Variants in THSD7B observed in about 807,000 individuals in gnomAD.
THSD7B encodes thrombospondin type 1 domain containing 7B, also known as thrombospondin type-1 domain-containing protein 7B.
THSD7B carries 138 observed loss-of-function variants against 213.6 expected under a neutral mutation model. The observed-to-expected ratio is 0.65, with a 90% CI of 0.56 to 0.74. The LOEUF is 0.74. Among genes scored for constraint, THSD7B ranks in the 30% least tolerant of loss-of-function variants. The probability of loss-of-function intolerance (pLI) is 0.00; values close to 1 mark genes in which losing one functional copy is unlikely to be tolerated. For synonymous variants in THSD7B, 742 were observed against 687.0 expected (o/e 1.08, Z -1.25); for missense variants, 1,931 against 1,991.5 (o/e 0.97, Z 0.58).
At chr2:137,275,320 C>T (rs192771331) in intron 11 of THSD7B, among the ~76,000 whole-genome samples, 22 of 152,086 alleles carry the variant, frequency 1.4e-4, no homozygotes, top group Non-Finnish European at 3.1e-4. Context: ...ACTCTATAAC[C>T]TATTGAGATG....
intron 15 of THSD7B, among the ~76,000 whole-genome samples, chr2:137,471,117 T>C (rs1688086435): frequency 6.6e-6 from 1 of 151,854 alleles, no homozygotes; most frequent in South Asian, 2.1e-4. Flanking sequence ...GGCAGGGTTT[T>C]GCTGTGTTGT....
intron 3 of THSD7B, among the ~76,000 whole-genome samples, chr2:137,072,876 C>A (rs548481851): frequency 2.0e-5 from 3 of 152,210 alleles, no homozygotes; most frequent in Admixed American, 2.0e-4. Context: ...TGGTTTTTGT[C>A]TTTGGTTCTG....
intron 1 of THSD7B, among the ~76,000 whole-genome samples, chr2:136,768,001 A>G (rs746817392): frequency 2.0e-5 from 3 of 152,220 alleles, no homozygotes; most frequent in African/African-American, 4.8e-5. Context: ...GAAAATAATT[A>G]CCGATCATAT....
intron 2 of THSD7B, among the ~76,000 whole-genome samples, chr2:136,952,569 C>T (rs188288201): frequency 3.2e-4 from 49 of 151,184 alleles, no homozygotes; most frequent in South Asian, 2.9e-3. Context: ...TGAGTTATTA[C>T]AGTAAATCAT....
chr2:137,223,901 A>G (rs1422445584), intron 7 of THSD7B, among the ~76,000 whole-genome samples: 1 of 150,256 alleles, frequency 6.7e-6, no homozygotes, highest in Non-Finnish European at 1.5e-5. Flanking sequence ...GTATCCTCCC[A>G]CCCCCGCTTC....
intron 15 of THSD7B, among the ~76,000 whole-genome samples, chr2:137,542,173 C>G (rs1326785498): frequency 6.6e-6 from 1 of 151,464 alleles, no homozygotes; most frequent in African/African-American, 2.4e-5. Flanking sequence ...ACCGTCAAAG[C>G]CAAACATAAA....
intron 4 of THSD7B, among the ~76,000 whole-genome samples, chr2:137,114,212 A>C (rs555767772): frequency 6.6e-6 from 1 of 152,342 alleles, no homozygotes; most frequent in South Asian, 2.1e-4. Flanking sequence ...CAGATATGTC[A>C]ATGTTACTTA....
chr2:136,832,821 T>C (rs568931403), intron 1 of THSD7B, among the ~76,000 whole-genome samples: 77 of 152,332 alleles, frequency 5.1e-4, no homozygotes, highest in Admixed American at 3.2e-3. Context: ...TGCCTGAAGT[T>C]ACCAAGTAGG....
At chr2:137,155,238 CA>C (rs1279649485) in intron 5 of THSD7B, among the ~76,000 whole-genome samples, 2 of 152,066 alleles carry the variant, frequency 1.3e-5, no homozygotes, top group Non-Finnish European at 2.9e-5. Context: ...TGCTGTCTAC[CA>C]AACCTAAATA....
At chr2:137,631,585 T>C (rs1682742897) in intron 20 of THSD7B, among the ~76,000 whole-genome samples, 1 of 152,206 alleles carries the variant, frequency 6.6e-6, no homozygotes, top group Non-Finnish European at 1.5e-5. Context: ...GACTTCCAGC[T>C]GTTTTTTCTA....
intron 1 of THSD7B, among the ~76,000 whole-genome samples, chr2:136,832,753 G>C (rs903641992): frequency 6.6e-6 from 1 of 152,098 alleles, no homozygotes; most frequent in Non-Finnish European, 1.5e-5. Flanking sequence ...AACTATGCTG[G>C]TCCAGATGGT....
intron 3 of THSD7B, among the ~76,000 whole-genome samples, chr2:137,057,636 T>A (rs1687196496): frequency 6.6e-6 from 1 of 152,196 alleles, no homozygotes; most frequent in Admixed American, 6.5e-5. Flanking sequence ...TTCAGAACAT[T>A]TGTCCTTTAA....
chr2:137,286,726 T>C (rs1683191783), intron 12 of THSD7B, among the ~76,000 whole-genome samples: 1 of 152,158 alleles, frequency 6.6e-6, no homozygotes, highest in Non-Finnish European at 1.5e-5. Flanking sequence ...AAAGGTTTTC[T>C]GGGAAAGAAA....
At chr2:137,581,154 A>G (rs1681565768) in intron 17 of THSD7B, among the ~76,000 whole-genome samples, 1 of 152,176 alleles carries the variant, frequency 6.6e-6, no homozygotes, top group African/African-American at 2.4e-5. Context: ...TAAAGTATGT[A>G]TGTGTTCAAA....
At chr2:137,199,590 A>G (rs1467196461) in intron 7 of THSD7B, among the ~76,000 whole-genome samples, 1 of 152,172 alleles carries the variant, frequency 6.6e-6, no homozygotes, top group East Asian at 1.9e-4. Flanking sequence ...TCTTCCTGAA[A>G]TGACTGTGAA....
chr2:137,409,454 A>G (rs1686600070), intron 13 of THSD7B, among the ~76,000 whole-genome samples: 1 of 152,242 alleles, frequency 6.6e-6, no homozygotes, highest in Non-Finnish European at 1.5e-5. Flanking sequence ...AGAATTGAGA[A>G]ACGCAGGAGA....
At chr2:137,528,256 G>T (rs1273933828) in intron 15 of THSD7B, among the ~76,000 whole-genome samples, 1 of 152,050 alleles carries the variant, frequency 6.6e-6, no homozygotes. Flanking sequence ...TGGAAAGGAA[G>T]CATGATGAAG....
intron 15 of THSD7B, among the ~76,000 whole-genome samples, chr2:137,455,244 C>T (rs1051170475): frequency 1.3e-5 from 2 of 152,176 alleles, no homozygotes; most frequent in Non-Finnish European, 2.9e-5. Flanking sequence ...ATGAGTGGTG[C>T]CTAGTTCCAC....
intron 2 of THSD7B, among the ~76,000 whole-genome samples, chr2:136,919,554 G>A (rs937010825): frequency 1.3e-5 from 2 of 152,226 alleles, no homozygotes; most frequent in Non-Finnish European, 1.5e-5. Flanking sequence ...CTAGGATTGT[G>A]GCAGGCAGGA....
Sources: gnomAD v4.1 joint callset for allele counts (sites outside exome capture counted in the v4.1 genomes callset) on GRCh38, gnomAD v4.1.1 for gene constraint, MANE v1.5 for transcripts, NCBI Gene and HGNC (gene_info 2026-07-23, HGNC 2026-07-21) for gene names.